OGT: variants seen among roughly 807,000 people sequenced by gnomAD.
OGT encodes O-linked N-acetylglucosamine (GlcNAc) transferase, also known as UDP-N-acetylglucosamine--peptide N-acetylglucosaminyltransferase 110 kDa subunit.
Under a neutral mutation model 75.8 loss-of-function variants are expected in OGT, and 3 were observed. The ratio of observed to expected loss-of-function variants is 0.04; its 90% CI spans 0.02 to 0.10. OGT has a LOEUF of 0.10. Ranked by LOEUF, OGT falls within the 10% of genes least tolerant of loss-of-function variation. The pLI, the probability that OGT is intolerant of heterozygous loss-of-function variation, is 1.00. For synonymous variants in OGT, 257 were observed against 289.7 expected (o/e 0.89, Z 1.15); for missense variants, 260 against 824.4 (o/e 0.32, Z 8.38).
chrX:71,565,174 T>A lies in OGT; in HGVS notation c.2589+421T>A, dbSNP rs756618623. Among the ~76,000 whole-genome samples the A allele has an allele frequency of 1.2e-3, 131 of 112,398 alleles. 1 individual carries two copies. Among genetic ancestry groups the A allele is most frequent in the South Asian group, 8.4e-3 (23 of 2,729 alleles). ...ACCTCCATCTCAAAAAAATTTTTTT[T>A]AAAAATACTTTTTAAAAAATTTATT... On this transcript the variant is annotated intron_variant, in intron 19 of 21. Coordinates refer to ENST00000373719, the MANE Select transcript of OGT (RefSeq NM_181672.3).
chrX:71,555,558 C>T (rs188250400), intron 7 of OGT, among the ~76,000 whole-genome samples, 173 bp downstream of exon 7: 1 of 111,610 alleles, frequency 9.0e-6, no homozygotes, highest in Admixed American at 9.5e-5. Flanking sequence ...CCTGTCTCTA[C>T]AAGAAATACA....
intron 18 of OGT, 137 bp from the exon 19 acceptor site, chrX:71,564,464 T>C (rs2040403662): frequency 3.9e-6 from 2 of 513,896 alleles, no homozygotes; most frequent in Non-Finnish European, 6.3e-6. Flanking sequence ...GGTTTGCCTT[T>C]TCTTAAACTT....
chrX:71,567,791 T>A (rs780182170), intron 20 of OGT, 39 bp downstream of exon 20: 2 of 1,157,670 alleles, frequency 1.7e-6, no homozygotes, highest in Non-Finnish European at 2.3e-6. Context: ...TCCTTGTTCC[T>A]TTGAAAATCT....
intron 18 of OGT, 87 bp downstream of exon 18, chrX:71,563,586 T>A (rs1348641681): frequency 1.4e-6 from 1 of 704,955 alleles, no homozygotes; most frequent in African/African-American, 2.2e-5. Context: ...GAGGCAAGTA[T>A]CATTATCACC....
chrX:71,543,748 G>GTA (rs2040237825), intron 3 of OGT, among the ~76,000 whole-genome samples: 1 of 64,368 alleles, frequency 1.6e-5, no homozygotes, highest in African/African-American at 1.1e-4. Context: ...GTGTGTGTGT[G>GTA]TGTGTGTGTG....
At position 71,564,904 on chromosome X, in the gene OGT, C is replaced by G. The variant is rs1030497686; in HGVS notation, c.2589+151C>G. 8 of 397,479 alleles carry G rather than the reference C, an allele frequency of 2.0e-5. No individual in the cohort carries two copies. The African/African-American group carries it at 2.1e-4, about 10-fold the overall frequency. 32.8% of individuals were successfully genotyped at this position (397,479 alleles called of 1,213,427 possible). On this transcript the variant is annotated intron_variant, in intron 19 of 21. Transcript: ENST00000373719. Reference sequence around the variant, plus strand: ...GGGTGCAGTGGCTCACGCCTGTAATCCCAGCACTTTGGGAGGCTGATGCGG... The same window carrying G: ...GGGTGCAGTGGCTCACGCCTGTAATGCCAGCACTTTGGGAGGCTGATGCGG...
intron 2 of OGT, 192 bp downstream of exon 2, chrX:71,536,550 TTA>T: frequency 2.9e-6 from 1 of 350,113 alleles, no homozygotes; most frequent in East Asian, 4.6e-5. Context: ...GTGGTGGTGG[TTA>T]TATTATCAGT....
intron 21 of OGT, among the ~76,000 whole-genome samples, chrX:71,569,280 A>G (rs868675786): frequency 3.8e-4 from 42 of 111,818 alleles, no homozygotes; most frequent in Admixed American, 2.6e-3. Context: ...GTGAGCTGAG[A>G]TTGCGTCACT....
chrX:71,571,313 T>C (rs1376058821), intron 21 of OGT, among the ~76,000 whole-genome samples: 3 of 112,225 alleles, frequency 2.7e-5, no homozygotes, highest in African/African-American at 9.7e-5. Flanking sequence ...TGCCAATCCA[T>C]CTTATTGGAC....
intron 3 of OGT, among the ~76,000 whole-genome samples, chrX:71,542,522 G>A (rs770484000): frequency 1.8e-5 from 2 of 112,206 alleles, no homozygotes; most frequent in South Asian, 3.6e-4. Context: ...TAGATATGCT[G>A]TCAGGACTTA....
chrX:71,540,165 G>A (rs1569424284), intron 3 of OGT, among the ~76,000 whole-genome samples: 1 of 112,290 alleles, frequency 8.9e-6, no homozygotes, highest in Non-Finnish European at 1.9e-5. Flanking sequence ...TTACCAATAA[G>A]AATGAAAATG....
In OGT at chrX:71,561,192, G is replaced by C. The variant is rs375010011; in HGVS notation, c.1852-583G>C. On this transcript the variant is annotated intron_variant, in intron 14 of 21. Coordinates refer to ENST00000373719, the MANE Select transcript of OGT (RefSeq NM_181672.3). ...ATCCACCTGCCTCGGCCTCCCAAAG[G>C]GCTGGGATTACAGATGTGAGCCACC... Among the ~76,000 whole-genome samples the C allele has an allele frequency of 4.0e-3, 437 of 109,782 alleles. 3 individuals carry two copies. Among genetic ancestry groups the C allele is most frequent in the African/African-American group, 0.014 (410 of 30,257 alleles).
intron 3 of OGT, among the ~76,000 whole-genome samples, chrX:71,543,899 G>T (rs910048470): frequency 9.3e-6 from 1 of 107,950 alleles, no homozygotes; most frequent in Non-Finnish European, 1.9e-5. Context: ...CGATTCTCCT[G>T]CTTAAGCCTC....
At chrX:71,562,726 T>C in intron 15 of OGT, 121 bp from the exon 16 acceptor site, 1 of 626,535 alleles carries the variant, frequency 1.6e-6, no homozygotes, top group Non-Finnish European at 2.3e-6. Flanking sequence ...TAAAAACCAC[T>C]TTATTGAGGT....
intron 2 of OGT, 120 bp downstream of exon 2, chrX:71,536,478 C>T (rs1021768446): frequency 1.9e-5 from 10 of 520,547 alleles, no homozygotes; most frequent in South Asian, 1.1e-4. Context: ...GAGCCGCCAA[C>T]GCACATCTGC....
chrX:71,534,467 G>A (rs2040160571), intron 1 of OGT: 1 of 110,775 alleles, frequency 9.0e-6, no homozygotes, highest in Admixed American at 9.7e-5. Context: ...TGGGGAATTG[G>A]GCTGCGCTTC....
intron 14 of OGT, 63 bp downstream of exon 14, chrX:71,559,740 T>TGCTA: frequency 2.3e-6 from 2 of 870,453 alleles, no homozygotes; most frequent in Non-Finnish European, 3.3e-6. Flanking sequence ...ACTATTAGCA[T>TGCTA]ATAGTTTATT....
In OGT at chrX:71,538,021, T is replaced by G. The variant is rs2040191808; in HGVS notation, c.411T>G (p.Gly137=). ...INLAAALVAA[G]DMEGAVQAYV... ...TGGCAGCCGCCTTGGTAGCAGCGGG[T>G]GACATGGAAGGGGCAGTACAAGCTT... The change falls in exon 3 of 22, where the codon GGT becomes GGG. Residue 137 remains glycine (G), a synonymous_variant. Transcript: ENST00000373719. 1 of 1,209,871 alleles carries G rather than the reference T, an allele frequency of 8.3e-7. No homozygotes were observed. The highest frequency in any genetic ancestry group is 1.8e-5 in the South Asian group (1 of 56,821).
chrX:71,558,681 T>C (rs2040360137), intron 12 of OGT, among the ~76,000 whole-genome samples: 1 of 110,730 alleles, frequency 9.0e-6, no homozygotes, highest in South Asian at 3.8e-4. Flanking sequence ...AGAAAATGTT[T>C]CCCTATAGAA....
Sources: gnomAD v4.1 joint callset for allele counts (sites outside exome capture counted in the v4.1 genomes callset) on GRCh38, gnomAD v4.1.1 for gene constraint, MANE v1.5 for transcripts, NCBI Gene and HGNC (gene_info 2026-07-23, HGNC 2026-07-21) for gene names.